Variants in NR3C1 observed in about 807,000 individuals in gnomAD.
The protein encoded by NR3C1 is glucocorticoid receptor.
Under a neutral mutation model 74.0 loss-of-function variants are expected in NR3C1, and 14 were observed. The ratio of observed to expected loss-of-function variants is 0.19; its 90% CI spans 0.12 to 0.30. The LOEUF is 0.30. Ranked by LOEUF, NR3C1 falls within the 10% of genes least tolerant of loss-of-function variation. NR3C1 has a pLI of 1.00. For synonymous variants in NR3C1, 308 were observed against 332.5 expected, an observed-to-expected ratio of 0.93 and a Z score of 0.80; for missense variants, 695 against 909.8, an observed-to-expected ratio of 0.76 and a Z score of 3.04.
At chr5:143,414,788 G>T (rs1474327394) in intron 1 of NR3C1, among the ~76,000 whole-genome samples, 1 of 152,174 alleles carries the variant, frequency 6.6e-6, no homozygotes, top group Non-Finnish European at 1.5e-5. Context: ...TTATTGAATG[G>T]CTATTTTGTG....
intron 2 of NR3C1, among the ~76,000 whole-genome samples, chr5:143,384,936 G>A (rs1561737667): frequency 6.6e-6 from 1 of 152,206 alleles, no homozygotes; most frequent in African/African-American, 2.4e-5. Flanking sequence ...CCTAGCAGAG[G>A]ATCTCCATGA....
At chr5:143,354,486 T>G (rs1830755942) in intron 2 of NR3C1, among the ~76,000 whole-genome samples, 1 of 152,256 alleles carries the variant, frequency 6.6e-6, no homozygotes, top group Admixed American at 6.5e-5. Flanking sequence ...TTAGCTTAAT[T>G]TTAATATTAT....
At chr5:143,291,373 G>A (rs942987083) in intron 7 of NR3C1, among the ~76,000 whole-genome samples, 20 of 151,786 alleles carry the variant, frequency 1.3e-4, no homozygotes, top group Admixed American at 9.2e-4. Flanking sequence ...CTACAGGCGC[G>A]CACCACCACC....
chr5:143,381,386 A>G (rs1302654613), intron 2 of NR3C1, among the ~76,000 whole-genome samples: 1 of 152,122 alleles, frequency 6.6e-6, no homozygotes, highest in African/African-American at 2.4e-5. Flanking sequence ...TACAGATTCA[A>G]TGCAATCTTT....
intron 2 of NR3C1, chr5:143,332,822 A>C: frequency 1.3e-6 from 2 of 1,486,100 alleles, no homozygotes; most frequent in Non-Finnish European, 1.9e-6. Context: ...GAACCACTGC[A>C]AGACTTCGCC....
At chr5:143,409,157 T>C (rs1001825845) in intron 1 of NR3C1, 5 of 152,216 alleles carry the variant, frequency 3.3e-5, no homozygotes, top group Non-Finnish European at 7.3e-5. Flanking sequence ...CAGCGCACCC[T>C]GGGCATCAAT....
intron 2 of NR3C1, among the ~76,000 whole-genome samples, chr5:143,340,242 A>G (rs1278395543): frequency 1.3e-5 from 2 of 152,180 alleles, no homozygotes; most frequent in African/African-American, 4.8e-5. Context: ...AGAGATATAC[A>G]GTGTTCCTGG....
At chr5:143,386,698 T>C (rs188997807) in intron 2 of NR3C1, among the ~76,000 whole-genome samples, 96 of 152,344 alleles carry the variant, frequency 6.3e-4, no homozygotes, top group Non-Finnish European at 1.2e-3. Context: ...ATAATTTTAC[T>C]GATGGAATGA....
intron 7 of NR3C1, among the ~76,000 whole-genome samples, chr5:143,289,238 T>C (rs1431576191): frequency 6.6e-6 from 1 of 152,140 alleles, no homozygotes; most frequent in African/African-American, 2.4e-5. Context: ...AATATAGGCA[T>C]ACAGATCATT....
intron 2 of NR3C1, among the ~76,000 whole-genome samples, chr5:143,357,638 T>C (rs1035620558): frequency 7.2e-5 from 11 of 152,332 alleles, no homozygotes; most frequent in Admixed American, 5.9e-4. Flanking sequence ...TAGAGCCACG[T>C]AGATTCCTAG....
intron 1 of NR3C1, among the ~76,000 whole-genome samples, chr5:143,402,078 A>G (rs1472210887): frequency 1.3e-5 from 2 of 152,226 alleles, no homozygotes; most frequent in African/African-American, 4.8e-5. Context: ...TGAAAAGTGA[A>G]TATGAAGGTA....
intron 2 of NR3C1, among the ~76,000 whole-genome samples, chr5:143,322,393 A>G (rs1049981495): frequency 1.3e-5 from 2 of 152,210 alleles, no homozygotes; most frequent in African/African-American, 4.8e-5. Flanking sequence ...AACACTTTCT[A>G]CTTTGTAGGC....
At chr5:143,297,609 G>A (rs572572138) in intron 6 of NR3C1, among the ~76,000 whole-genome samples, 2 of 152,258 alleles carry the variant, frequency 1.3e-5, no homozygotes, top group East Asian at 3.9e-4. Context: ...AAAAGTCAAG[G>A]TGACTTCTGT....
intron 2 of NR3C1, among the ~76,000 whole-genome samples, chr5:143,349,633 A>G (rs1480404011): frequency 6.6e-6 from 1 of 152,154 alleles, no homozygotes; most frequent in South Asian, 2.1e-4. Context: ...CAGCTTTCAT[A>G]GCCTTGTTTC....
rs566976938 is a variant in NR3C1 at position 143,329,930 on chromosome 5, G to T, written c.1185-15762C>A. Among the ~76,000 whole-genome samples the T allele has an allele frequency of 3.9e-5, 6 of 152,072 alleles. No individual in the cohort carries two copies. In the South Asian group the frequency reaches 6.2e-4, roughly 16 times the overall value. ...GTCAAAACATACTAAAAAATGTATT[G>T]TGGTGCTGCATATAATGTATATGTA... On this transcript the variant is annotated intron_variant, in intron 2 of 8. Coordinates refer to ENST00000394464, the MANE Select transcript of NR3C1 (RefSeq NM_000176.3).
intron 2 of NR3C1, among the ~76,000 whole-genome samples, chr5:143,386,779 T>C (rs1365207168): frequency 6.6e-6 from 1 of 152,228 alleles, no homozygotes; most frequent in African/African-American, 2.4e-5. Context: ...GAGTCAATTA[T>C]AAGACTATCC....
intron 2 of NR3C1, among the ~76,000 whole-genome samples, chr5:143,335,867 G>A (rs961547968): frequency 2.0e-5 from 3 of 152,116 alleles, no homozygotes; most frequent in African/African-American, 7.2e-5. Flanking sequence ...TCCTAGAAGG[G>A]ACTGGAAAGC....
chr5:143,429,938 T>C (rs1751725068), intron 1 of NR3C1, among the ~76,000 whole-genome samples: 1 of 151,808 alleles, frequency 6.6e-6, no homozygotes, highest in Non-Finnish European at 1.5e-5. Flanking sequence ...AAAAATTAGA[T>C]GGGCATGGTG....
intron 1 of NR3C1, among the ~76,000 whole-genome samples, chr5:143,431,923 C>T (rs1751847319): frequency 6.6e-6 from 1 of 152,188 alleles, no homozygotes; most frequent in Non-Finnish European, 1.5e-5. Flanking sequence ...CATCCTCTGG[C>T]TTTGAATGAC....
Sources: gnomAD v4.1 joint callset for allele counts (sites outside exome capture counted in the v4.1 genomes callset) on GRCh38, gnomAD v4.1.1 for gene constraint, MANE v1.5 for transcripts, NCBI Gene and HGNC (gene_info 2026-07-23, HGNC 2026-07-21) for gene names.